Variants in DDHD1 observed in about 807,000 individuals in gnomAD.
DDHD1 encodes the protein phospholipase DDHD1.
DDHD1 carries 49 observed loss-of-function variants against 96.4 expected under a neutral mutation model. That is an observed-to-expected ratio of 0.51 (90% CI 0.40 to 0.64). The LOEUF (loss-of-function observed/expected upper bound fraction) is 0.64. Ranked by LOEUF, DDHD1 falls within the 30% of genes least tolerant of loss-of-function variation. The probability of loss-of-function intolerance (pLI) is 0.00; values close to 1 mark genes in which losing one functional copy is unlikely to be tolerated. For missense variants in DDHD1, 1,106 were observed against 1,161.2 expected (o/e 0.95, Z 0.69); for synonymous variants, 442 against 446.5 (o/e 0.99, Z 0.13).
chr14:53,126,938 A>G (rs1405213289), intron 1 of DDHD1, among the ~76,000 whole-genome samples: 3 of 152,216 alleles, frequency 2.0e-5, no homozygotes, highest in African/African-American at 7.2e-5. Context: ...AAATAAAACA[A>G]TCACGTGAGA....
chr14:53,128,534 A>G (rs1273654801), intron 1 of DDHD1, among the ~76,000 whole-genome samples: 2 of 152,286 alleles, frequency 1.3e-5, no homozygotes, highest in East Asian at 1.9e-4. Context: ...CAAAGGCCCC[A>G]CTTCCCCAAT....
At chr14:53,083,310 T>C (rs989883837) in intron 4 of DDHD1, among the ~76,000 whole-genome samples, 2 of 152,218 alleles carry the variant, frequency 1.3e-5, no homozygotes, top group Non-Finnish European at 2.9e-5. Flanking sequence ...TCTAAGATTA[T>C]AGCTTTAAAA....
At chr14:53,091,349 A>G (rs1886413727) in intron 4 of DDHD1, among the ~76,000 whole-genome samples, 1 of 152,188 alleles carries the variant, frequency 6.6e-6, no homozygotes, top group Admixed American at 6.5e-5. Flanking sequence ...TAAAATTCAG[A>G]GTTCAGTTTC....
At chr14:53,144,630 G>T (rs1167154511) in intron 1 of DDHD1, among the ~76,000 whole-genome samples, 1 of 152,216 alleles carries the variant, frequency 6.6e-6, no homozygotes, top group Non-Finnish European at 1.5e-5. Flanking sequence ...AAGTTTTACT[G>T]AAGGTCTAAG....
intron 1 of DDHD1, among the ~76,000 whole-genome samples, chr14:53,140,532 A>G (rs1342723163): frequency 6.6e-6 from 1 of 152,202 alleles, no homozygotes; most frequent in Non-Finnish European, 1.5e-5. Flanking sequence ...CTCTGTCTCA[A>G]AAAATAAACA....
intron 9 of DDHD1, among the ~76,000 whole-genome samples, chr14:53,057,084 G>C (rs1369249319): frequency 6.6e-6 from 1 of 152,124 alleles, no homozygotes; most frequent in African/African-American, 2.4e-5. Context: ...TGTGCAGTTT[G>C]TATTTGAATC....
intron 1 of DDHD1, among the ~76,000 whole-genome samples, chr14:53,109,116 C>T (rs1887916852): frequency 6.6e-6 from 1 of 152,074 alleles, no homozygotes; most frequent in South Asian, 2.1e-4. Flanking sequence ...GGTTGGGTTG[C>T]CGTGCCTTGT....
At chr14:53,082,375 A>T (rs539009483) in intron 4 of DDHD1, among the ~76,000 whole-genome samples, 9 of 152,020 alleles carry the variant, frequency 5.9e-5, no homozygotes, top group Non-Finnish European at 1.2e-4. Flanking sequence ...TATATGTGTG[A>T]CATAAATATA....
At chr14:53,095,872 T>C (rs1458772368) in intron 2 of DDHD1, among the ~76,000 whole-genome samples, 1 of 152,150 alleles carries the variant, frequency 6.6e-6, no homozygotes, top group Non-Finnish European at 1.5e-5. Flanking sequence ...AGAAAAATTA[T>C]TTTCCTCTTT....
At chr14:53,135,948 C>G (rs962165752) in intron 1 of DDHD1, among the ~76,000 whole-genome samples, 1 of 152,224 alleles carries the variant, frequency 6.6e-6, no homozygotes, top group African/African-American at 2.4e-5. Flanking sequence ...GTGACCTGCA[C>G]GTATACATCC....
rs145456012 is a variant in DDHD1, at chr14:53,103,719, C to G, written c.976G>C (p.Asp326His). ...FRGQQMQENF[D>H]IEVSKSIDGK... ...TCTATGGATTTTGACACTTCAATAT[C>G]GAAATTTTCCTGCATCTGCTGGCCC... is the stretch of plus-strand genomic sequence containing the variant. The change falls in exon 2 of 13, where the codon GAT becomes CAT. Residue 326 changes from aspartate (D) to histidine (H), a missense_variant. Physicochemically the swap from Asp to His is moderately conservative, Grantham distance 81. Transcript: ENST00000673822. 950 of 1,612,566 alleles carry G rather than the reference C, an allele frequency of 5.9e-4. 2 individuals carry two copies. Among genetic ancestry groups the G allele is most frequent in the Non-Finnish European group, 7.8e-4 (921 of 1,179,602 alleles).
intron 1 of DDHD1, among the ~76,000 whole-genome samples, chr14:53,135,425 T>A (rs189454287): frequency 1.5e-3 from 236 of 152,302 alleles, no homozygotes; most frequent in Non-Finnish European, 2.1e-3. Context: ...TAAGAACTAA[T>A]GATAATCCCA....
intron 1 of DDHD1, among the ~76,000 whole-genome samples, chr14:53,119,903 A>G (rs113588308): frequency 0.02 from 3,065 of 152,340 alleles, 113 homozygotes; most frequent in African/African-American, 0.071. Flanking sequence ...CAAGACAAGG[A>G]TGTCCTCTCT....
At chr14:53,132,523 C>T (rs1201979961) in intron 1 of DDHD1, among the ~76,000 whole-genome samples, 1 of 152,278 alleles carries the variant, frequency 6.6e-6, no homozygotes, top group East Asian at 1.9e-4. Flanking sequence ...GCTCTGCCCC[C>T]CTCCACTACC....
chr14:53,152,124 A>AGTGTAG, intron 1 of DDHD1, 137 bp downstream of exon 1: 35 of 842,604 alleles, frequency 4.2e-5, no homozygotes, highest in South Asian at 1.5e-4. Flanking sequence ...CTCCCTGCTC[A>AGTGTAG]ATCTCCATCC....
At chr14:53,057,368 C>A (rs1201161471) in intron 9 of DDHD1, among the ~76,000 whole-genome samples, 1 of 152,026 alleles carries the variant, frequency 6.6e-6, no homozygotes, top group Non-Finnish European at 1.5e-5. Flanking sequence ...TGGCATTACA[C>A]TGTTTAACAG....
At chr14:53,145,727 A>G (rs752472172) in intron 1 of DDHD1, among the ~76,000 whole-genome samples, 8 of 152,178 alleles carry the variant, frequency 5.3e-5, no homozygotes, top group Non-Finnish European at 1.0e-4. Flanking sequence ...CCATCCATTC[A>G]GATGGAATTT....
chr14:53,063,283 A>G (rs898658897), intron 6 of DDHD1, 78 bp from the exon 7 acceptor site: 4 of 1,471,032 alleles, frequency 2.7e-6, no homozygotes, highest in African/African-American at 1.4e-5. Flanking sequence ...CAAATACATT[A>G]AGGTAGAAAA....
At position 53,103,191 on chromosome 14, in the gene DDHD1, C is replaced by A. The variant is rs1001679123; in HGVS notation, c.1012+492G>T. The A allele has an allele frequency of 4.9e-5, 35 of 717,868 alleles. No homozygotes were observed. In the African/African-American group the frequency reaches 6.3e-4, roughly 13 times the overall value. The allele number at this position is 717,868 out of a possible 1,614,324, so 44.5% of individuals were successfully genotyped here. On this transcript the variant is annotated intron_variant, in intron 2 of 12. Coordinates refer to ENST00000673822, the MANE Select transcript of DDHD1 (RefSeq NM_001160148.2). ...GAACTGTTACAAAAATATGCAAGTGCTGAATAAAGAAATGTAATGAGTAGA... is the reference window on the plus strand; with the variant it reads ...GAACTGTTACAAAAATATGCAAGTGATGAATAAAGAAATGTAATGAGTAGA...
Sources: gnomAD v4.1 joint callset for allele counts (sites outside exome capture counted in the v4.1 genomes callset) on GRCh38, gnomAD v4.1.1 for gene constraint, MANE v1.5 for transcripts, NCBI Gene and HGNC (gene_info 2026-07-23, HGNC 2026-07-21) for gene names.